B3GALT1: variants seen among roughly 807,000 people sequenced by gnomAD.
B3GALT1 encodes the protein beta-1,3-galactosyltransferase 1.
B3GALT1 carries 10 observed loss-of-function variants against 23.2 expected under a neutral mutation model. The observed-to-expected ratio is 0.43, with a 90% CI of 0.27 to 0.73. The LOEUF is 0.73. B3GALT1 is among the 30% of genes least tolerant of loss of function. The pLI, the probability that B3GALT1 is intolerant of heterozygous loss-of-function variation, is 0.21. For missense variants in B3GALT1, 299 were observed against 405.4 expected (o/e 0.74, Z 2.25); for synonymous variants, 156 against 141.5 (o/e 1.10, Z -0.73).
intron 1 of B3GALT1, among the ~76,000 whole-genome samples, chr2:167,363,918 G>A (rs1446012242): frequency 6.6e-6 from 1 of 152,158 alleles, no homozygotes; most frequent in South Asian, 2.1e-4. Context: ...CAGCACTTTG[G>A]GAGGCTGAGG....
At chr2:167,430,515 A>G (rs1471055683) in intron 1 of B3GALT1, among the ~76,000 whole-genome samples, 1 of 152,184 alleles carries the variant, frequency 6.6e-6, no homozygotes, top group East Asian at 1.9e-4. Flanking sequence ...GTGAGTAGTA[A>G]TAGTAGCTTG....
intron 1 of B3GALT1, among the ~76,000 whole-genome samples, chr2:167,382,291 G>T (rs1380614351): frequency 6.8e-6 from 1 of 146,976 alleles, no homozygotes; most frequent in Non-Finnish European, 1.5e-5. Flanking sequence ...TGCTTTCTAA[G>T]TTTTTTTCTC....
intron 1 of B3GALT1, among the ~76,000 whole-genome samples, chr2:167,363,327 C>T (rs891355159): frequency 1.3e-5 from 2 of 151,908 alleles, no homozygotes; most frequent in African/African-American, 4.8e-5. Context: ...GTTTCACTTT[C>T]ACACTTGCCT....
chr2:167,612,426 C>T (rs1350100360), intron 2 of B3GALT1, among the ~76,000 whole-genome samples: 2 of 150,368 alleles, frequency 1.3e-5, no homozygotes, highest in Admixed American at 6.7e-5. Context: ...ACAACTTGTT[C>T]ACTGTACTTT....
At chr2:167,834,373 G>T (rs1349639194) in intron 4 of B3GALT1, among the ~76,000 whole-genome samples, 1 of 152,252 alleles carries the variant, frequency 6.6e-6, no homozygotes, top group Admixed American at 6.5e-5. Flanking sequence ...TTTCCTTATT[G>T]TGCATCCTTT....
At chr2:167,477,064 T>C (rs567185117) in intron 1 of B3GALT1, among the ~76,000 whole-genome samples, 1 of 152,208 alleles carries the variant, frequency 6.6e-6, no homozygotes, top group African/African-American at 2.4e-5. Context: ...TCCTAATGCG[T>C]AACTCAAAAT....
intron 1 of B3GALT1, among the ~76,000 whole-genome samples, chr2:167,344,455 A>T (rs73017759): frequency 0.014 from 2,097 of 150,758 alleles, 55 homozygotes; most frequent in African/African-American, 0.05. Context: ...ACACTCTGGA[A>T]TTAAATTAAA....
At chr2:167,838,525 G>C (rs1236184529) in intron 4 of B3GALT1, among the ~76,000 whole-genome samples, 1 of 152,404 alleles carries the variant, frequency 6.6e-6, no homozygotes, top group Middle Eastern at 3.4e-3. Flanking sequence ...TGCAATTGTG[G>C]TAATAATCAA....
chr2:167,672,834 CAG>C (rs1686356028), intron 3 of B3GALT1, among the ~76,000 whole-genome samples: 1 of 152,014 alleles, frequency 6.6e-6, no homozygotes, highest in African/African-American at 2.4e-5. Flanking sequence ...ATAAGGGACT[CAG>C]ATTGTCCAAT....
At chr2:167,505,481 G>T (rs1265388418) in intron 2 of B3GALT1, among the ~76,000 whole-genome samples, 2 of 152,058 alleles carry the variant, frequency 1.3e-5, no homozygotes, top group Admixed American at 1.3e-4. Context: ...CAATGGCCAA[G>T]TTACAGAAAT....
At chr2:167,340,141 A>C (rs193099935) in intron 1 of B3GALT1, among the ~76,000 whole-genome samples, 13 of 152,212 alleles carry the variant, frequency 8.5e-5, no homozygotes, top group East Asian at 1.9e-4. Flanking sequence ...GAGCAAGGGA[A>C]GGTACATGAG....
intron 3 of B3GALT1, among the ~76,000 whole-genome samples, chr2:167,725,297 A>G (rs932859505): frequency 6.6e-6 from 1 of 152,160 alleles, no homozygotes; most frequent in African/African-American, 2.4e-5. Context: ...CTCTTGTCCC[A>G]GTTCTAAGAC....
intron 3 of B3GALT1, among the ~76,000 whole-genome samples, chr2:167,725,159 A>G (rs1021267230): frequency 2.6e-4 from 39 of 152,252 alleles, no homozygotes; most frequent in African/African-American, 8.7e-4. Context: ...AGCATTTTGA[A>G]CTTATAAAAC....
At chr2:167,858,143 A>G (rs1224279781) in intron 4 of B3GALT1, among the ~76,000 whole-genome samples, 1 of 152,110 alleles carries the variant, frequency 6.6e-6, no homozygotes, top group Admixed American at 6.6e-5. Flanking sequence ...TATTTGAGAA[A>G]AGCAAAATTC....
In B3GALT1 at chr2:167,823,507, C is replaced by A. The variant is rs542551295; in HGVS notation, c.-230+4714C>A. Among the ~76,000 whole-genome samples the A allele has an allele frequency of 5.3e-5, 8 of 152,362 alleles. No individual in the cohort carries two copies. The South Asian group carries it at 1.7e-3, about 32-fold the overall frequency. ...ATGCCATTTTCTCATTTGCAAGCAGCTGTCTAGAATTTTGTAAACAATCTC... is the reference window on the plus strand; with the variant it reads ...ATGCCATTTTCTCATTTGCAAGCAGATGTCTAGAATTTTGTAAACAATCTC... On this transcript the variant is annotated intron_variant, in intron 4 of 4. Coordinates refer to ENST00000392690, the MANE Select transcript of B3GALT1 (RefSeq NM_020981.4).
At chr2:167,836,956 A>C (rs1208587369) in intron 4 of B3GALT1, among the ~76,000 whole-genome samples, 1 of 152,110 alleles carries the variant, frequency 6.6e-6, no homozygotes. Context: ...GAAATAAAAT[A>C]CTTTACAGAC....
chr2:167,835,740 T>C (rs1689451085), intron 4 of B3GALT1, among the ~76,000 whole-genome samples: 1 of 152,112 alleles, frequency 6.6e-6, no homozygotes, highest in Admixed American at 6.5e-5. Flanking sequence ...CTCAAGTGGG[T>C]CCCTGACCCC....
intron 2 of B3GALT1, among the ~76,000 whole-genome samples, chr2:167,621,875 C>T (rs745953996): frequency 1.3e-5 from 2 of 152,086 alleles, no homozygotes; most frequent in Non-Finnish European, 2.9e-5. Flanking sequence ...GCTTCCCCTT[C>T]CCTTTCCACC....
At chr2:167,669,825 T>C (rs1345563662) in intron 3 of B3GALT1, among the ~76,000 whole-genome samples, 2 of 152,026 alleles carry the variant, frequency 1.3e-5, no homozygotes, top group African/African-American at 4.8e-5. Flanking sequence ...TCCCAAGCCA[T>C]GTGGGACACT....
Sources: allele counts gnomAD v4.1 joint callset (sites outside exome capture counted in the v4.1 genomes callset), GRCh38; gene constraint gnomAD v4.1.1; transcripts MANE v1.5; gene names NCBI Gene and HGNC (gene_info 2026-07-23, HGNC 2026-07-21).